Variants in NAV3 observed in about 807,000 individuals in gnomAD.
NAV3 encodes the protein pore membrane and/or filament interacting like protein 1.
In NAV3, 87 loss-of-function variants were observed where a neutral mutation model predicts 244.7. That is an observed-to-expected ratio of 0.36 (90% CI 0.30 to 0.42). The LOEUF is 0.42. Among genes scored for constraint, NAV3 ranks in the 20% least tolerant of loss-of-function variants. NAV3 has a pLI of 1.00. For synonymous variants in NAV3, 1,126 were observed against 1,042.2 expected (o/e 1.08, Z -1.55); for missense variants, 2,663 against 2,893.3 (o/e 0.92, Z 1.83).
Position 77,595,837 on chromosome 12 carries a change from G to A in NAV3, c.72+23571G>A, listed in dbSNP as rs139133169. ...ATAAACCAGAATATAAAAATATGAA[G>A]TATATTTGCTTTGCCATGTGTATGT... On this transcript the variant is annotated intron_variant, in intron 2 of 8. Transcript: ENST00000550042. 4.1e-3 allele frequency among the ~76,000 whole-genome samples: 628 copies of A among 152,198 alleles called. 4 individuals are homozygous for A. The highest frequency in any genetic ancestry group is 0.015 in the African/African-American group (611 of 41,542).
chr12:78,131,332 C>G (rs1956156829), intron 18 of NAV3, among the ~76,000 whole-genome samples: 1 of 152,076 alleles, frequency 6.6e-6, no homozygotes, highest in Non-Finnish European at 1.5e-5. Flanking sequence ...TGTTTCCTAA[C>G]CTATATAGTG....
At chr12:78,093,395 A>G (rs1235491983) in intron 12 of NAV3, among the ~76,000 whole-genome samples, 2 of 152,224 alleles carry the variant, frequency 1.3e-5, no homozygotes, top group African/African-American at 4.8e-5. Context: ...GAAATATAGC[A>G]GGTACTAAAT....
intron 12 of NAV3, among the ~76,000 whole-genome samples, chr12:78,075,619 T>G (rs932508398): frequency 2.6e-5 from 4 of 152,174 alleles, no homozygotes; most frequent in African/African-American, 9.7e-5. Context: ...TTTTTAAAAT[T>G]TTAGTTTTAA....
chr12:77,743,303 ATAT>A (rs1159491549), intron 2 of NAV3, among the ~76,000 whole-genome samples: 1 of 151,890 alleles, frequency 6.6e-6, no homozygotes, highest in African/African-American at 2.4e-5. Flanking sequence ...CAGTAGGCTA[ATAT>A]TAGTTAATTT....
intron 3 of NAV3, among the ~76,000 whole-genome samples, chr12:77,962,519 C>T: frequency 6.6e-6 from 1 of 152,102 alleles, no homozygotes; most frequent in East Asian, 1.9e-4. Flanking sequence ...CATATCTTCC[C>T]ATCAATTTCT....
At chr12:77,891,254 CATTTATAAAGATAA>C (rs1883902264) in intron 1 of NAV3, among the ~76,000 whole-genome samples, 1 of 147,914 alleles carries the variant, frequency 6.8e-6, no homozygotes, top group Non-Finnish European at 1.5e-5. Context: ...AAGATAAATA[CATTTATAAAGATAA>C]ATTTATAAAG....
intron 2 of NAV3, among the ~76,000 whole-genome samples, chr12:77,573,171 T>C (rs533008143): frequency 3.3e-5 from 5 of 152,316 alleles, no homozygotes; most frequent in African/African-American, 1.2e-4. Flanking sequence ...ATAATTAAGC[T>C]TTGTTTTTAC....
At chr12:77,869,560 A>G (rs140694763) in intron 1 of NAV3, among the ~76,000 whole-genome samples, 28 of 152,266 alleles carry the variant, frequency 1.8e-4, no homozygotes, top group African/African-American at 5.1e-4. Flanking sequence ...CCATTTCTGC[A>G]GTTTCCTTCC....
At chr12:77,875,052 T>C (rs2136514385) in intron 1 of NAV3, among the ~76,000 whole-genome samples, 1 of 152,284 alleles carries the variant, frequency 6.6e-6, no homozygotes, top group South Asian at 2.1e-4. Context: ...TGGCAAGACA[T>C]TAACTGCTAT....
chr12:77,935,931 C>T (rs1266185249), intron 1 of NAV3, among the ~76,000 whole-genome samples: 4 of 152,122 alleles, frequency 2.6e-5, no homozygotes, highest in South Asian at 4.1e-4. Context: ...AAGAAGTCTG[C>T]CCCCATGATT....
intron 3 of NAV3, among the ~76,000 whole-genome samples, chr12:77,941,578 G>A (rs1295340754): frequency 1.3e-5 from 2 of 152,094 alleles, no homozygotes; most frequent in East Asian, 1.9e-4. Context: ...TAGTTCTCAA[G>A]GCATGCTGCT....
chr12:77,801,954 T>C (rs146344504), intron 2 of NAV3, among the ~76,000 whole-genome samples: 5 of 152,326 alleles, frequency 3.3e-5, no homozygotes, highest in African/African-American at 1.2e-4. Flanking sequence ...CTACTCTTCA[T>C]AGTATTTTTG....
chr12:77,619,974 T>C (rs1871302629), intron 2 of NAV3, among the ~76,000 whole-genome samples: 2 of 152,202 alleles, frequency 1.3e-5, no homozygotes, highest in East Asian at 3.8e-4. Flanking sequence ...ATATGAAAGG[T>C]AGATCATTAT....
Position 78,198,683 on chromosome 12 carries a change from T to C in NAV3, c.6518+7T>C, listed in dbSNP as rs17045000. ...AGCTGCATCACAATTTCAGGTAAAGTTAAGTTGAAGGTTTTTTTGTTTTGT... is the reference window on the plus strand; with the variant it reads ...AGCTGCATCACAATTTCAGGTAAAGCTAAGTTGAAGGTTTTTTTGTTTTGT... On this transcript the variant is annotated splice_region_variant and intron_variant, in intron 36 of 39. Coordinates refer to ENST00000397909, the MANE Select transcript of NAV3 (RefSeq NM_001024383.2). 0.034 allele frequency: 51,703 copies of C among 1,518,536 alleles called. 1,324 individuals are homozygous for C. The highest frequency in any genetic ancestry group is 0.12 in the African/African-American group (8,262 of 70,640). 94.1% of individuals were successfully genotyped at this position (1,518,536 alleles called of 1,614,324 possible). A position where few individuals can be genotyped will look rare whatever the true frequency, so the allele number is the denominator to read the frequency against.
chr12:77,663,028 C>T (rs1188248492), intron 2 of NAV3, among the ~76,000 whole-genome samples: 3 of 152,098 alleles, frequency 2.0e-5, no homozygotes, highest in Non-Finnish European at 4.4e-5. Flanking sequence ...TTGTAATTTA[C>T]AACAATAATA....
chr12:78,179,435 G>A (rs1363588611), intron 28 of NAV3, 94 bp from the exon 29 acceptor site: 12 of 1,460,664 alleles, frequency 8.2e-6, no homozygotes, highest in Non-Finnish European at 1.1e-5. Flanking sequence ...TGTACCTGCT[G>A]GAGAATATTG....
intron 2 of NAV3, among the ~76,000 whole-genome samples, chr12:77,781,428 A>G (rs1183560147): frequency 2.6e-5 from 4 of 152,190 alleles, no homozygotes; most frequent in Admixed American, 1.3e-4. Flanking sequence ...CAGAACCCAG[A>G]CATTCCTTTC....
In NAV3 at chr12:77,890,854, A is replaced by C. The variant is rs868170040; in HGVS notation, c.244-49465A>C. On this transcript the variant is annotated intron_variant, in intron 1 of 39. Transcript: ENST00000397909. ...AAGCTGCACGAGTTCTCCTGAAAGT[A>C]AATTCAAGTTACAGCAACATCTGAA... Among the ~76,000 whole-genome samples the C allele has an allele frequency of 3.3e-5, 5 of 152,234 alleles. No homozygotes were observed. The South Asian group carries it at 6.2e-4, about 19-fold the overall frequency.
intron 9 of NAV3, among the ~76,000 whole-genome samples, chr12:78,026,677 C>T (rs949881636): frequency 6.6e-6 from 1 of 152,208 alleles, no homozygotes; most frequent in Middle Eastern, 3.4e-3. Context: ...AAATAAGGTA[C>T]TAAGATACCC....
Sources: allele counts gnomAD v4.1 joint callset (sites outside exome capture counted in the v4.1 genomes callset), GRCh38; gene constraint gnomAD v4.1.1; transcripts MANE v1.5; gene names NCBI Gene and HGNC (gene_info 2026-07-23, HGNC 2026-07-21).